BICC1: variants seen among roughly 807,000 people sequenced by gnomAD.
BICC1 encodes protein bicaudal C homolog 1.
In BICC1, 43 loss-of-function variants were observed where a neutral mutation model predicts 111.0. The ratio of observed to expected loss-of-function variants is 0.39; its 90% CI spans 0.30 to 0.50. BICC1 has a LOEUF of 0.50. Among genes scored for constraint, BICC1 ranks in the 20% least tolerant of loss-of-function variants. BICC1 has a pLI of 0.88. For missense variants in BICC1, 1,091 were observed against 1,203.2 expected, an observed-to-expected ratio of 0.91 and a Z score of 1.38; for synonymous variants, 467 against 434.4, an observed-to-expected ratio of 1.07 and a Z score of -0.93.
At position 58,794,141 on chromosome 10, in the gene BICC1, A is replaced by G. The variant is rs117767920; in HGVS notation, c.1179+526A>G. On this transcript the variant is annotated intron_variant, in intron 9 of 20. Transcript: ENST00000373886. Reference sequence around the variant, plus strand: ...TTGAAGCTTTTCTAAGTTACCCAAGAGTTGATAAGGCTACTTACATGTTTT... The same window carrying G: ...TTGAAGCTTTTCTAAGTTACCCAAGGGTTGATAAGGCTACTTACATGTTTT... Among the ~76,000 whole-genome samples the G allele has an allele frequency of 6.0e-4, 90 of 150,862 alleles. 1 individual carries two copies. In the East Asian group the frequency reaches 0.015, roughly 26 times the overall value.
intron 3 of BICC1, among the ~76,000 whole-genome samples, chr10:58,733,042 C>CA: frequency 6.7e-6 from 1 of 149,586 alleles, no homozygotes; most frequent in Non-Finnish European, 1.5e-5. Flanking sequence ...AGCCCCCAAA[C>CA]AAAAAATACA....
intron 2 of BICC1, among the ~76,000 whole-genome samples, chr10:58,643,030 A>G (rs1838169547): frequency 6.6e-6 from 1 of 152,162 alleles, no homozygotes; most frequent in Non-Finnish European, 1.5e-5. Flanking sequence ...TGTAAACTTA[A>G]TGTCTGCAAG....
intron 3 of BICC1, among the ~76,000 whole-genome samples, chr10:58,758,694 A>G (rs921153836): frequency 1.3e-5 from 2 of 152,210 alleles, no homozygotes; most frequent in African/African-American, 2.4e-5. Context: ...CGGTAAGTCT[A>G]AGATAATGAA....
chr10:58,524,740 A>G (rs1300758281), intron 1 of BICC1, among the ~76,000 whole-genome samples: 6 of 152,136 alleles, frequency 3.9e-5, no homozygotes, highest in Admixed American at 3.9e-4. Context: ...GAGCTTCTGC[A>G]CAGCAAAAGA....
intron 1 of BICC1, among the ~76,000 whole-genome samples, chr10:58,566,015 C>CT (rs759070778): frequency 1.7e-4 from 26 of 152,208 alleles, no homozygotes; most frequent in Middle Eastern, 3.4e-3. Context: ...ATTCTTATGC[C>CT]TTTGCATCCT....
At chr10:58,526,591 A>G (rs931879107) in intron 1 of BICC1, among the ~76,000 whole-genome samples, 1 of 151,746 alleles carries the variant, frequency 6.6e-6, no homozygotes, top group Non-Finnish European at 1.5e-5. Context: ...CCCCCACCCC[A>G]CGACAGGACC....
chr10:58,724,001 A>G (rs774937853), intron 3 of BICC1, among the ~76,000 whole-genome samples: 2 of 152,254 alleles, frequency 1.3e-5, no homozygotes, highest in African/African-American at 2.4e-5. Context: ...GTTAGTGTCA[A>G]CATGATGAGT....
At chr10:58,734,426 G>A (rs899072419) in intron 3 of BICC1, among the ~76,000 whole-genome samples, 10 of 152,150 alleles carry the variant, frequency 6.6e-5, no homozygotes, top group South Asian at 2.1e-4. Context: ...AAACAAAATC[G>A]TTAACATTTC....
chr10:58,798,754 C>T lies in BICC1; in HGVS notation c.1528+194C>T, dbSNP rs533856233. On this transcript the variant is annotated intron_variant, in intron 11 of 20. Coordinates refer to ENST00000373886, the MANE Select transcript of BICC1 (RefSeq NM_001080512.3). ...AAAGCAGTTTGAGTTTTTCATACAA[C>T]TGAAATACCATCTTCAAATGTGATA... Among the ~76,000 whole-genome samples, 3 of 152,274 alleles carry T rather than the reference C, an allele frequency of 2.0e-5. No homozygotes were observed. In the South Asian group the frequency reaches 6.2e-4, roughly 32 times the overall value.
At chr10:58,783,940 G>A (rs1842943959) in intron 3 of BICC1, among the ~76,000 whole-genome samples, 1 of 152,100 alleles carries the variant, frequency 6.6e-6, no homozygotes, top group Admixed American at 6.6e-5. Flanking sequence ...ATTGAAGAGA[G>A]AATTAAGGAG....
At chr10:58,515,150 G>T (rs944458145) in intron 1 of BICC1, among the ~76,000 whole-genome samples, 5 of 152,168 alleles carry the variant, frequency 3.3e-5, no homozygotes, top group African/African-American at 7.2e-5. Context: ...AGGCTCTTTT[G>T]TATTAATAGA....
chr10:58,788,046 TAAAC>T (rs1180280494), intron 5 of BICC1, among the ~76,000 whole-genome samples: 1 of 152,036 alleles, frequency 6.6e-6, no homozygotes, highest in African/African-American at 2.4e-5. Context: ...GCAAAGAGCT[TAAAC>T]AAAACGGAGA....
At chr10:58,622,167 G>C (rs1419397394) in intron 2 of BICC1, among the ~76,000 whole-genome samples, 3 of 151,894 alleles carry the variant, frequency 2.0e-5, no homozygotes, top group Admixed American at 2.0e-4. Flanking sequence ...GGGTGACAGA[G>C]TAAGTCCCTG....
chr10:58,784,163 A>G (rs192244947), intron 3 of BICC1, among the ~76,000 whole-genome samples: 1 of 152,136 alleles, frequency 6.6e-6, no homozygotes, highest in Non-Finnish European at 1.5e-5. Flanking sequence ...ATTATTAATT[A>G]GATAATTTAT....
At chr10:58,536,128 G>A (rs1842820437) in intron 1 of BICC1, among the ~76,000 whole-genome samples, 3 of 151,644 alleles carry the variant, frequency 2.0e-5, no homozygotes, top group Admixed American at 1.3e-4. Flanking sequence ...CACAATAATA[G>A]TAGAGGGCTT....
intron 9 of BICC1, among the ~76,000 whole-genome samples, chr10:58,795,906 A>G (rs543202894): frequency 1.3e-5 from 2 of 152,238 alleles, no homozygotes; most frequent in Non-Finnish European, 2.9e-5. Context: ...TTGGTATGTA[A>G]TGACAAGATG....
chr10:58,660,940 A>AT (rs1280759171), intron 2 of BICC1, among the ~76,000 whole-genome samples: 1 of 152,200 alleles, frequency 6.6e-6, no homozygotes, highest in African/African-American at 2.4e-5. Context: ...AGAAAAGTAT[A>AT]TTTTTATCAG....
At position 58,721,010 on chromosome 10, in the gene BICC1, C is replaced by G. The variant is rs548669648; in HGVS notation, c.307+18867C>G. Among the ~76,000 whole-genome samples, 23 of 152,322 alleles carry G rather than the reference C, an allele frequency of 1.5e-4. No individual in the cohort carries two copies. The South Asian group carries it at 4.8e-3, about 32-fold the overall frequency. ...CAGCTTTCCATCTCAAGGGCCTGAT[C>G]TGTGCTTCTCTACCGGAGCACATTG... On this transcript the variant is annotated intron_variant, in intron 3 of 20. Coordinates refer to ENST00000373886, the MANE Select transcript of BICC1 (RefSeq NM_001080512.3).
At chr10:58,636,301 A>G (rs776564527) in intron 2 of BICC1, among the ~76,000 whole-genome samples, 3 of 152,226 alleles carry the variant, frequency 2.0e-5, no homozygotes, top group Non-Finnish European at 4.4e-5. Flanking sequence ...TACACTGACA[A>G]TTCATAACTT....
Sources: gnomAD v4.1 joint callset for allele counts (sites outside exome capture counted in the v4.1 genomes callset) on GRCh38, gnomAD v4.1.1 for gene constraint, MANE v1.5 for transcripts, NCBI Gene and HGNC (gene_info 2026-07-23, HGNC 2026-07-21) for gene names.